The following CFAP46 variants were observed in gnomAD, a reference collection of about 807,000 sequenced individuals.
CFAP46 encodes the protein cilia- and flagella-associated protein 46.
Under a neutral mutation model 325.7 loss-of-function variants are expected in CFAP46, and 245 were observed. That is an observed-to-expected ratio of 0.75 (90% CI 0.68 to 0.84). The LOEUF is 0.84. Ranked by LOEUF, CFAP46 falls within the 40% of genes least tolerant of loss-of-function variation. CFAP46 has a pLI of 0.00. For synonymous variants in CFAP46, 1,523 were observed against 1,495.9 expected (o/e 1.02, Z -0.42); for missense variants, 3,346 against 3,543.0 (o/e 0.94, Z 1.41).
chr10:132,822,753 GTGAGTGCTGA>G (rs1847897536), intron 50 of CFAP46, among the ~76,000 whole-genome samples: 2 of 143,314 alleles, frequency 1.4e-5, no homozygotes, highest in African/African-American at 2.6e-5. Context: ...TGTGTGCTGT[GTGAGTGCTGA>G]TGTGTGCTGT....
chr10:132,937,047 A>T lies in CFAP46; in HGVS notation c.669T>A (p.His223Gln). Residue 223 changes from histidine to glutamine, a missense_variant, in exon 7 of 58, where the codon CAT becomes CAA. Transcript: ENST00000368586. The part of the protein sequence containing the change: ...YRQIFSVMVR[H>Q]ELMDELQLKE... ...TTAACTGAAGTTCGTCCATTAATTC[A>T]TGACGAACCTGTCATAAAATGGAGC... 6.6e-7 allele frequency: 1 copy of T among 1,507,396 alleles called. No homozygotes were observed. Among genetic ancestry groups the T allele is most frequent in the Non-Finnish European group, 9.0e-7 (1 of 1,115,330 alleles). The allele number at this position is 1,507,396 out of a possible 1,614,324, so 93.4% of individuals were successfully genotyped here. A position where few individuals can be genotyped will look rare whatever the true frequency, so the allele number is the denominator to read the frequency against.
chr10:132,922,450 C>A (rs1346275509), intron 12 of CFAP46, 30 bp downstream of exon 12: 2 of 1,515,808 alleles, frequency 1.3e-6, no homozygotes, highest in East Asian at 2.5e-5. Context: ...GCTGCAGCAC[C>A]CAGCCTCCCT....
chr10:132,934,812 T>A lies in CFAP46; in HGVS notation c.806A>T (p.Lys269Met). The A allele has an allele frequency of 6.2e-7, 1 of 1,613,296 alleles. No homozygotes were observed. The highest frequency in any genetic ancestry group is 8.5e-7 in the Non-Finnish European group (1 of 1,179,324). Residue 269 changes from lysine to methionine, a missense_variant, in exon 8 of 58, where the codon AAG becomes ATG. Lys to Met is a moderately conservative substitution (Grantham distance 95). Transcript: ENST00000368586. ...GTAATGACCTAAGTGTCTGTAGGCC[T>A]TCCTCAGAATGACACTGATGTCACC... Reference protein sequence around the residue: ...LPGDISVILRKAYRHLGHYNH... With the variant: ...LPGDISVILRMAYRHLGHYNH...
At chr10:132,898,891 C>T (rs945520121) in intron 24 of CFAP46, 68 bp downstream of exon 24, 23 of 1,522,562 alleles carry the variant, frequency 1.5e-5, no homozygotes, top group Admixed American at 3.9e-5. Flanking sequence ...GGAGTCTCTC[C>T]GGTCCTTTCT....
At chr10:132,875,390 T>A (rs142121642) in intron 31 of CFAP46, among the ~76,000 whole-genome samples, 10 of 152,300 alleles carry the variant, frequency 6.6e-5, no homozygotes, top group Non-Finnish European at 1.2e-4. Flanking sequence ...GACACACTGA[T>A]TCTAAAATAC....
intron 50 of CFAP46, among the ~76,000 whole-genome samples, chr10:132,830,152 C>CTT (rs545205799): frequency 4.5e-4 from 68 of 150,218 alleles, no homozygotes; most frequent in African/African-American, 1.4e-3. Flanking sequence ...TTTCTTTTTT[C>CTT]TTTTTTTTTG....
At chr10:132,821,212 CTGTGTGCTG>C (rs1847809755) in intron 50 of CFAP46, among the ~76,000 whole-genome samples, 1 of 86,380 alleles carries the variant, frequency 1.2e-5, no homozygotes, top group South Asian at 4.0e-4. Flanking sequence ...CTGATGTGTG[CTGTGTGCTG>C]TGTGTGTGCT....
At chr10:132,824,681 A>T (rs1472542022) in intron 50 of CFAP46, among the ~76,000 whole-genome samples, 1 of 66,924 alleles carries the variant, frequency 1.5e-5, no homozygotes, top group Non-Finnish European at 2.7e-5. Flanking sequence ...CTGTGTGCTG[A>T]TGTGTGCTGT....
At chr10:132,931,033 C>CT (rs1164849061) in intron 8 of CFAP46, among the ~76,000 whole-genome samples, 8 of 111,486 alleles carry the variant, frequency 7.2e-5, no homozygotes, top group Non-Finnish European at 9.2e-5. Flanking sequence ...AAACCTGGGC[C>CT]TCCCCACACT....
chr10:132,840,522 A>T (rs1848331194), intron 44 of CFAP46, among the ~76,000 whole-genome samples: 1 of 152,196 alleles, frequency 6.6e-6, no homozygotes, highest in South Asian at 2.1e-4. Context: ...ATCAAAGCTT[A>T]AATCAAGGTG....
Position 132,827,908 on chromosome 10 carries a change from T to G in CFAP46, c.7117+5450A>C, listed in dbSNP as rs976481386. Among the ~76,000 whole-genome samples, 15 of 151,950 alleles carry G rather than the reference T, an allele frequency of 9.9e-5. No individual in the cohort carries two copies. The highest frequency in any genetic ancestry group is 8.3e-4 in the South Asian group (4 of 4,792). ...TTGATCCAGCCTCTTTCCCTCAGCG[T>G]AATCCTTCTGAGTGAGCCCCGTCAC... On this transcript the variant is annotated intron_variant, in intron 50 of 57. Coordinates refer to ENST00000368586, the MANE Select transcript of CFAP46 (RefSeq NM_001200049.3). This position sits in a 1 kb window ranked among gnomAD's most constrained non-coding sequence, Gnocchi z 5.7.
rs1847719387 is a variant in CFAP46 at position 132,817,642 on chromosome 10, T to TGCGGCCACACCTGGCG, written c.7118-2744_7118-2729dup. 6.6e-6 allele frequency among the ~76,000 whole-genome samples: 1 copy of TGCGGCCACACCTGGCG among 152,216 alleles called. No homozygotes were observed. Among genetic ancestry groups the TGCGGCCACACCTGGCG allele is most frequent in the African/African-American group, 2.4e-5 (1 of 41,454 alleles). ...TGGTGTCCTTAGCGCTTTACGGCAG[T>TGCGGCCACACCTGGCG]GCGGCCACACCTGGCGGCGCCCCAG... On this transcript the variant is annotated intron_variant, in intron 50 of 57. Transcript: ENST00000368586. The surrounding 1 kb of genome is among the most constrained non-coding windows in gnomAD (Gnocchi z 4.4).
intron 9 of CFAP46, chr10:132,929,435 C>T: frequency 1.4e-6 from 1 of 702,182 alleles, no homozygotes; most frequent in Non-Finnish European, 2.7e-6. Flanking sequence ...AAATTTTACG[C>T]CGTCCGTAAA....
At chr10:132,825,969 C>T (rs939020951) in intron 50 of CFAP46, among the ~76,000 whole-genome samples, 6 of 152,132 alleles carry the variant, frequency 3.9e-5, no homozygotes, top group Non-Finnish European at 8.8e-5. Flanking sequence ...AGAGACCAGC[C>T]ACGGAGCCAG....
chr10:132,903,536 G>T (rs1465911113), intron 22 of CFAP46, among the ~76,000 whole-genome samples: 1 of 152,222 alleles, frequency 6.6e-6, no homozygotes, highest in Non-Finnish European at 1.5e-5. Context: ...GCTCCCTTAG[G>T]CAGAATGCGG....
intron 3 of CFAP46, 149 bp downstream of exon 3, chr10:132,941,442 A>T (rs1235412163): frequency 5.6e-5 from 61 of 1,097,498 alleles, no homozygotes; most frequent in Non-Finnish European, 7.4e-5. Flanking sequence ...CATGGACAGG[A>T]AATGGTGCAA....
intron 33 of CFAP46, among the ~76,000 whole-genome samples, chr10:132,868,359 G>A (rs920261871): frequency 6.6e-6 from 1 of 152,230 alleles, no homozygotes; most frequent in African/African-American, 2.4e-5. Flanking sequence ...GGGCTGTGAG[G>A]ACAACCGGGC....
intron 12 of CFAP46, 47 bp from the exon 13 acceptor site, chr10:132,922,271 C>T: frequency 3.3e-6 from 5 of 1,527,218 alleles, no homozygotes; most frequent in African/African-American, 1.4e-5. Flanking sequence ...GGACTTTCCA[C>T]AGCACCTTCT....
rs1848069334 is a variant in CFAP46 at position 132,827,056 on chromosome 10, C to T, written c.7117+6302G>A. On this transcript the variant is annotated intron_variant, in intron 50 of 57. Transcript: ENST00000368586. This position sits in a 1 kb window ranked among gnomAD's most constrained non-coding sequence, Gnocchi z 5.7. ...AAACGGTTTCCGACACCTCCATGAG[C>T]CTCGTGTCTGTGCCAACCGACTCCA... 6.6e-6 allele frequency among the ~76,000 whole-genome samples: 1 copy of T among 152,174 alleles called. No individual in the cohort carries two copies. Among genetic ancestry groups the T allele is most frequent in the African/African-American group, 2.4e-5 (1 of 41,436 alleles).
Sources: gnomAD v4.1 joint callset for allele counts (sites outside exome capture counted in the v4.1 genomes callset) on GRCh38, gnomAD v4.1.1 for gene constraint, Gnocchi (gnomAD v3.1) non-coding constraint, MANE v1.5 for transcripts, NCBI Gene and HGNC (gene_info 2026-07-23, HGNC 2026-07-21) for gene names.